ARMC5: variants seen among roughly 807,000 people sequenced by gnomAD.
ARMC5 encodes the protein armadillo repeat containing 5.
Under a neutral mutation model 60.5 loss-of-function variants are expected in ARMC5, and 28 were observed. The observed-to-expected ratio is 0.46, with a 90% CI of 0.34 to 0.63. The LOEUF is 0.63. Ranked by LOEUF, ARMC5 falls within the 30% of genes least tolerant of loss-of-function variation. The probability of loss-of-function intolerance (pLI) is 0.01; values close to 1 mark genes in which losing one functional copy is unlikely to be tolerated. For synonymous variants in ARMC5, 680 were observed against 607.3 expected, an observed-to-expected ratio of 1.12 and a Z score of -1.76; for missense variants, 1,189 against 1,304.9, an observed-to-expected ratio of 0.91 and a Z score of 1.37.
rs759844590 is a variant in ARMC5, at chr16:31,464,998, C to G, written c.1864+111C>G. 6.2e-7 allele frequency: 1 copy of G among 1,611,048 alleles called. No homozygotes were observed. The highest frequency in any genetic ancestry group is 1.1e-5 in the South Asian group (1 of 90,918). ...TCCCACTCACCTGTCCTCCCCAGCC[C>G]GTCCTCCAGACAACCTGTCACCAGA... is the stretch of plus-strand genomic sequence containing the variant. On this transcript the variant is annotated intron_variant, in intron 4 of 5. Transcript: ENST00000268314. The surrounding 1 kb of genome is among the most constrained non-coding windows in gnomAD (Gnocchi z 7.6).
chr16:31,462,797 C>CT lies in ARMC5; in HGVS notation c.1251dup (p.Gly418TrpfsTer6). 1 of 1,614,022 alleles carries CT rather than the reference C, an allele frequency of 6.2e-7. No homozygotes were observed. The highest frequency in any genetic ancestry group is 8.5e-7 in the Non-Finnish European group (1 of 1,180,014). ...GCTCTGGGACTTGTGCCTCTCCTGG[C>CT]TGGGCAGCTGTGTGGTGAGGCTGGT... On this transcript the variant is annotated frameshift_variant, in exon 3 of 6. Transcript: ENST00000268314. LOFTEE classifies it high-confidence loss of function. This position sits in a 1 kb window ranked among gnomAD's most constrained non-coding sequence, Gnocchi z 7.2.
upstream of ARMC5, chr16:31,458,694 G>C: frequency 6.9e-7 from 1 of 1,455,684 alleles, no homozygotes; most frequent in Admixed American, 2.5e-5. Context: ...ACACCAGGAA[G>C]GGCTGCTCAG....
In ARMC5 at chr16:31,462,927, T is replaced by C. The variant is rs563398468; in HGVS notation, c.1370+10T>C. 5.8e-6 allele frequency: 9 copies of C among 1,560,410 alleles called. No homozygotes were observed. In the South Asian group the frequency reaches 1.1e-4, roughly 19 times the overall value. Reference sequence around the variant, plus strand: ...GCTTCCGGAGCCTCAGGTGAGTCCCTGCCTCAGGGCTTGGGAGGGTGAGCA... The same window carrying C: ...GCTTCCGGAGCCTCAGGTGAGTCCCCGCCTCAGGGCTTGGGAGGGTGAGCA... On this transcript the variant is annotated intron_variant, in intron 3 of 5. Transcript: ENST00000268314. This position sits in a 1 kb window ranked among gnomAD's most constrained non-coding sequence, Gnocchi z 7.2.
rs1383735072 is a variant in ARMC5 at position 31,466,548 on chromosome 16, C to T, written c.2467C>T (p.Pro823Ser). The T allele has an allele frequency of 6.2e-7, 1 of 1,608,372 alleles. No homozygotes were observed. The highest frequency in any genetic ancestry group is 1.1e-5 in the South Asian group (1 of 90,974). ...CGAALGPVPP[P>S]GQPLLGSEAE... Reference sequence around the variant, plus strand: ...GGCTGCCCTGGGGCCCGTGCCCCCACCAGGCCAGCCCCTGCTGGGTTCAGA... The same window carrying T: ...GGCTGCCCTGGGGCCCGTGCCCCCATCAGGCCAGCCCCTGCTGGGTTCAGA... The change falls in exon 6 of 6, where the codon CCA (proline) becomes TCA (serine). Residue 823 changes from proline (P) to serine (S), a missense_variant. Pro to Ser is a moderately conservative substitution (Grantham distance 74). This residue lies in a region of ARMC5 where 862 missense variants were observed against 1,071.2 expected (regional missense o/e 0.80). Transcript: ENST00000268314. This position sits in a 1 kb window ranked among gnomAD's most constrained non-coding sequence, Gnocchi z 8.0.
rs751374554 is a variant in ARMC5 at position 31,460,041 on chromosome 16, A to G, written c.475+42A>G. ...CGTTTCCTAGAAAGATTAGGTTTGC[A>G]ACTCCCTTGCTCTCTAGACCCGGGC... is the stretch of plus-strand genomic sequence containing the variant. On this transcript the variant is annotated intron_variant, in intron 1 of 5. Transcript: ENST00000268314. 3.1e-6 allele frequency: 5 copies of G among 1,588,224 alleles called. No individual in the cohort carries two copies. The South Asian group carries it at 4.4e-5, about 14-fold the overall frequency.
intron 4 of ARMC5, chr16:31,465,351 G>A: frequency 7.2e-7 from 1 of 1,390,222 alleles, no homozygotes; most frequent in Non-Finnish European, 9.3e-7. Context: ...GCCCTGTCCG[G>A]GCATAACAGA....
chr16:31,459,160 C>A (rs894580199), upstream of ARMC5: 55 of 1,507,162 alleles, frequency 3.6e-5, no homozygotes, highest in African/African-American at 6.4e-4. Context: ...GAGTGCACGC[C>A]GGGGGCGGGG....
intron 1 of ARMC5, among the ~76,000 whole-genome samples, chr16:31,461,706 C>A (rs978658546): frequency 6.6e-6 from 1 of 152,154 alleles, no homozygotes; most frequent in Non-Finnish European, 1.5e-5. Flanking sequence ...TGGGGTTTGG[C>A]CCCGTTGGCC....
rs2142580666 is a variant in ARMC5 at position 31,466,595 on chromosome 16, T to C, written c.2514T>C (p.Ala838=). The C allele has an allele frequency of 6.2e-7, 1 of 1,607,644 alleles. No individual in the cohort carries two copies. The highest frequency in any genetic ancestry group is 1.1e-5 in the South Asian group (1 of 90,376). ...CAGAGGCCGAGGAGGCACTGGAGGC[T>C]GCTGGCCGTTTCCTACTGCCTGGGC... ...LGSEAEEALE[A]AGRFLLPGLE... The change falls in exon 6 of 6, where the codon GCT becomes GCC. Residue 838 remains alanine, a synonymous_variant. Coordinates refer to ENST00000268314, the MANE Select transcript of ARMC5 (RefSeq NM_001105247.2). This position sits in a 1 kb window ranked among gnomAD's most constrained non-coding sequence, Gnocchi z 8.0.
chr16:31,464,803 G>T lies in ARMC5; in HGVS notation c.1780G>T (p.Ala594Ser), dbSNP rs1442212335. ...CAGCTATGGCGCGGCGCTGCTGCGG[G>T]CCTGGCTGGTGCTGGGGGTGGCGCC... ...VRSYGAALLR[A>S]WLVLGVAPDD... Residue 594 changes from alanine to serine, a missense_variant, in exon 4 of 6, where the codon GCC (alanine) becomes TCC (serine). Physicochemically the swap from Ala to Ser is moderately conservative, Grantham distance 99. This residue lies in a region of ARMC5 where 862 missense variants were observed against 1,071.2 expected (regional missense o/e 0.80). Transcript: ENST00000268314. This position sits in a 1 kb window ranked among gnomAD's most constrained non-coding sequence, Gnocchi z 7.6. 27 of 1,598,038 alleles carry T rather than the reference G, an allele frequency of 1.7e-5. No homozygotes were observed. The highest frequency in any genetic ancestry group is 2.3e-5 in the Non-Finnish European group (27 of 1,178,716).
intron 3 of ARMC5, among the ~76,000 whole-genome samples, chr16:31,463,673 G>A (rs2082324288): frequency 6.6e-6 from 1 of 152,086 alleles, no homozygotes; most frequent in Admixed American, 6.6e-5. Context: ...CTCCCAAAGT[G>A]TAGGGATTAC....
chr16:31,465,204 G>A, intron 4 of ARMC5: 2 of 1,570,156 alleles, frequency 1.3e-6, no homozygotes, highest in Non-Finnish European at 1.7e-6. Flanking sequence ...TGTCCTGACT[G>A]CTCCCCACCA....
At chr16:31,463,269 T>C (rs1428905020) in intron 3 of ARMC5, among the ~76,000 whole-genome samples, 5 of 152,112 alleles carry the variant, frequency 3.3e-5, no homozygotes, top group African/African-American at 1.2e-4. Flanking sequence ...CAGCTAATTT[T>C]TGTATTTTTA....
In ARMC5 at chr16:31,465,969, C is replaced by T; in HGVS notation, c.1984C>T (p.Pro662Ser). 6.2e-7 allele frequency: 1 copy of T among 1,603,602 alleles called. No individual in the cohort carries two copies. The highest frequency in any genetic ancestry group is 1.1e-5 in the South Asian group (1 of 91,034). Residue 662 changes from proline to serine, a missense_variant, in exon 5 of 6, where the codon CCC becomes TCC. This residue lies in a region of ARMC5 where 862 missense variants were observed against 1,071.2 expected (regional missense o/e 0.80). Coordinates refer to ENST00000268314, the MANE Select transcript of ARMC5 (RefSeq NM_001105247.2). ...EDRVACALTL[P>S]FICRKPSLWR... ...CCGAGTGGCCTGCGCGCTGACCCTG[C>T]CCTTCATCTGCCGGTGAGTGGGAAG...
upstream of ARMC5, chr16:31,458,314 G>A (rs896257666): frequency 2.4e-6 from 3 of 1,268,826 alleles, no homozygotes; most frequent in Non-Finnish European, 1.1e-6. Flanking sequence ...GGCTTTTAGC[G>A]GTGTGAGCGC....
chr16:31,458,372 T>C (rs937606449), upstream of ARMC5: 24 of 1,532,998 alleles, frequency 1.6e-5, 1 homozygote, highest in Admixed American at 3.5e-4. Context: ...CTTACCACAC[T>C]AGGCACAGGC....
chr16:31,465,542 G>A (rs940058390), intron 4 of ARMC5: 7 of 979,700 alleles, frequency 7.1e-6, no homozygotes, highest in African/African-American at 6.8e-5. Context: ...TCTATATCTG[G>A]TATAACTATT....
chr16:31,462,209 G>A lies in ARMC5; in HGVS notation c.662G>A (p.Arg221His), dbSNP rs2082309645. 4.3e-6 allele frequency: 7 copies of A among 1,611,176 alleles called. No individual in the cohort carries two copies. The highest frequency in any genetic ancestry group is 4.5e-5 in the East Asian group (2 of 44,866). Reference protein sequence around the residue: ...QCLQSVVRALRNLADSPQHRL... With the variant: ...QCLQSVVRALHNLADSPQHRL... ...CTACAGAGCGTGGTGCGTGCCCTCC[G>A]TAACCTGGCAGACTCACCCCAGCAC... Residue 221 changes from arginine to histidine, a missense_variant, in exon 3 of 6, where the codon CGT becomes CAT. Physicochemically the swap from Arg to His is conservative, Grantham distance 29 (BLOSUM62 0). Transcript: ENST00000268314. This position sits in a 1 kb window ranked among gnomAD's most constrained non-coding sequence, Gnocchi z 7.2.
chr16:31,459,076 C>T, upstream of ARMC5: 2 of 1,497,018 alleles, frequency 1.3e-6, no homozygotes, highest in Non-Finnish European at 1.8e-6. Flanking sequence ...TTCTCGGAGT[C>T]CGTCCCAAGG....
Sources: gnomAD v4.1 joint callset for allele counts (sites outside exome capture counted in the v4.1 genomes callset) on GRCh38, gnomAD v4.1.1 for gene constraint, gnomAD v4.1.1 regional missense constraint, Gnocchi (gnomAD v3.1) non-coding constraint, MANE v1.5 for transcripts, NCBI Gene and HGNC (gene_info 2026-07-23, HGNC 2026-07-21) for gene names.